Variants in CHD9 observed in about 807,000 individuals in gnomAD.
CHD9 encodes ATP-dependent chromatin remodeler CHD9.
A neutral mutation model predicts 316.1 loss-of-function variants in CHD9; 77 were observed. The ratio of observed to expected loss-of-function variants is 0.24; its 90% CI spans 0.20 to 0.29. The LOEUF (loss-of-function observed/expected upper bound fraction) is 0.29. Among genes scored for constraint, CHD9 ranks in the 10% least tolerant of loss-of-function variants. The pLI is 1.00. For synonymous variants in CHD9, 1,129 were observed against 1,158.3 expected, an observed-to-expected ratio of 0.97 and a Z score of 0.51; for missense variants, 2,763 against 3,438.1, an observed-to-expected ratio of 0.80 and a Z score of 4.91.
chr16:53,090,992 G>T (rs2035885689), intron 1 of CHD9, among the ~76,000 whole-genome samples: 1 of 143,992 alleles, frequency 6.9e-6, no homozygotes, highest in Non-Finnish European at 1.6e-5. Context: ...TGGAGGATGG[G>T]AACAGCTCAC....
At position 53,267,574 on chromosome 16, in the gene CHD9, T is replaced by G. The variant is rs1019709360; in HGVS notation, c.4517+84T>G. On this transcript the variant is annotated intron_variant, in intron 21 of 38. Transcript: ENST00000447540. ...TATATACTGGTTTTGAGTATATTTT[T>G]TATCTTCTTAGAATCATTAAAATTT... The G allele has an allele frequency of 7.1e-6, 7 of 988,958 alleles. No homozygotes were observed. In the African/African-American group the frequency reaches 1.2e-4, roughly 17 times the overall value. The allele number at this position is 988,958 out of a possible 1,614,324, so 61.3% of individuals were successfully genotyped here.
At chr16:53,183,984 G>A (rs1224714620) in intron 2 of CHD9, among the ~76,000 whole-genome samples, 10 of 149,858 alleles carry the variant, frequency 6.7e-5, no homozygotes, top group East Asian at 3.9e-4. Context: ...TCGCTCTGTC[G>A]CCCATGCTGG....
intron 1 of CHD9, among the ~76,000 whole-genome samples, chr16:53,095,526 G>T (rs1475691173): frequency 1.3e-5 from 2 of 151,984 alleles, no homozygotes; most frequent in Non-Finnish European, 2.9e-5. Flanking sequence ...TCCAACTTGG[G>T]CAACAGAGCA....
intron 3 of CHD9, among the ~76,000 whole-genome samples, chr16:53,219,954 T>C (rs2152900000): frequency 6.6e-6 from 1 of 152,268 alleles, no homozygotes; most frequent in South Asian, 2.1e-4. Context: ...TTATAGTTGG[T>C]TGAGGAATGA....
intron 1 of CHD9, among the ~76,000 whole-genome samples, chr16:53,145,009 A>T (rs1299765663): frequency 6.6e-6 from 1 of 151,964 alleles, no homozygotes; most frequent in African/African-American, 2.4e-5. Context: ...AAAAAAAAAA[A>T]AAGTTCATTT....
intron 18 of CHD9, 50 bp downstream of exon 18, chr16:53,254,655 G>C: frequency 6.6e-7 from 1 of 1,515,100 alleles, no homozygotes; most frequent in Non-Finnish European, 9.0e-7. Context: ...TTTTGCATTT[G>C]ATTTTACCTC....
At chr16:53,099,873 G>C (rs969786288) in intron 1 of CHD9, among the ~76,000 whole-genome samples, 1 of 152,252 alleles carries the variant, frequency 6.6e-6, no homozygotes, top group Non-Finnish European at 1.5e-5. Context: ...GGCAGCGGGA[G>C]GGGGTGCTCC....
At chr16:53,277,080 C>T (rs2052915619) in intron 24 of CHD9, among the ~76,000 whole-genome samples, 1 of 152,080 alleles carries the variant, frequency 6.6e-6, no homozygotes, top group South Asian at 2.1e-4. Context: ...CCTAAACAGA[C>T]AAAGAACAGC....
intron 2 of CHD9, among the ~76,000 whole-genome samples, chr16:53,192,073 A>G (rs1348193674): frequency 6.6e-6 from 1 of 151,844 alleles, no homozygotes; most frequent in Non-Finnish European, 1.5e-5. Flanking sequence ...TCTCAAAAAA[A>G]AAAAAAAAAA....
intron 2 of CHD9, among the ~76,000 whole-genome samples, chr16:53,188,526 T>C (rs2044216621): frequency 6.6e-6 from 1 of 151,516 alleles, no homozygotes; most frequent in Admixed American, 6.6e-5. Flanking sequence ...AAGTAATGTC[T>C]TGTTGTGGTT....
chr16:53,130,481 C>G (rs916854668), intron 1 of CHD9, among the ~76,000 whole-genome samples: 15 of 149,918 alleles, frequency 1.0e-4, no homozygotes, highest in African/African-American at 3.6e-4. Flanking sequence ...GGCGGGGCCG[C>G]GGGGCGGGCG....
chr16:53,254,380 T>C (rs1490384652), intron 17 of CHD9, 58 bp from the exon 18 acceptor site: 2 of 1,308,312 alleles, frequency 1.5e-6, no homozygotes, highest in African/African-American at 2.9e-5. Flanking sequence ...ATACATATAG[T>C]TTACTATTAA....
intron 1 of CHD9, among the ~76,000 whole-genome samples, chr16:53,088,213 C>G (rs1055123719): frequency 2.6e-5 from 4 of 151,788 alleles, no homozygotes; most frequent in Non-Finnish European, 1.5e-5. Context: ...GTCTCATTGA[C>G]CCTGATTGGG....
chr16:53,063,381 C>CACACACACACACAT (rs1464793553), intron 1 of CHD9, among the ~76,000 whole-genome samples: 7 of 151,730 alleles, frequency 4.6e-5, no homozygotes, highest in Non-Finnish European at 1.0e-4. Context: ...CACACACACA[C>CACACACACACACAT]ACACACACAC....
At chr16:53,182,059 A>G (rs111613234) in intron 2 of CHD9, among the ~76,000 whole-genome samples, 35,076 of 152,144 alleles carry the variant, frequency 0.23, 4,523 homozygotes, top group Middle Eastern at 0.32. Flanking sequence ...AGCCTGGGCA[A>G]CAGAGCAAAA....
chr16:53,273,816 T>G (rs2052527722), intron 23 of CHD9, 31 bp downstream of exon 23: 2 of 1,550,802 alleles, frequency 1.3e-6, no homozygotes, highest in African/African-American at 1.4e-5. Context: ...ACACAACTCT[T>G]TAAATGTTTA....
rs1491589216 is a variant in CHD9 at position 53,143,366 on chromosome 16, ATT to A, written c.-164-12558_-164-12557del. Among the ~76,000 whole-genome samples the A allele has an allele frequency of 3.8e-3, 272 of 70,902 alleles. 1 individual carries two copies. Among genetic ancestry groups the A allele is most frequent in the African/African-American group, 0.014 (262 of 18,488 alleles). 46.5% of individuals were successfully genotyped at this position (70,902 alleles called of 152,430 possible). On this transcript the variant is annotated intron_variant, in intron 1 of 38. Transcript: ENST00000447540. The stretch of plus-strand genomic sequence containing the variant: ...ATTTTTATTTTATCTTATTTTATTT[ATT>A]TATTTATTTATTTATTTATTTATTT...
At chr16:53,097,036 C>G (rs1312123861) in intron 1 of CHD9, among the ~76,000 whole-genome samples, 1 of 152,058 alleles carries the variant, frequency 6.6e-6, no homozygotes, top group African/African-American at 2.4e-5. Flanking sequence ...CCACATCTCT[C>G]AATACTGCCA....
intron 2 of CHD9, among the ~76,000 whole-genome samples, chr16:53,197,141 C>G (rs1159706127): frequency 6.6e-6 from 1 of 152,052 alleles, no homozygotes; most frequent in South Asian, 2.1e-4. Context: ...TACTGGCAGA[C>G]TAGTAGAAAG....
Sources: gnomAD v4.1 joint callset for allele counts (sites outside exome capture counted in the v4.1 genomes callset) on GRCh38, gnomAD v4.1.1 for gene constraint, MANE v1.5 for transcripts, NCBI Gene and HGNC (gene_info 2026-07-23, HGNC 2026-07-21) for gene names.